The following ABCD4 variants were observed in gnomAD, a reference collection of about 807,000 sequenced individuals.
ABCD4 encodes the protein ATP binding cassette subfamily D member 4, also known as lysosomal cobalamin transporter ABCD4.
A neutral mutation model predicts 86.3 loss-of-function variants in ABCD4; 53 were observed. That is an observed-to-expected ratio of 0.61 (90% CI 0.49 to 0.77). The LOEUF (loss-of-function observed/expected upper bound fraction) is 0.77. ABCD4 is among the 30% of genes least tolerant of loss of function. ABCD4 has a pLI of 0.00. For missense variants in ABCD4, 757 were observed against 764.5 expected (o/e 0.99, Z 0.12); for synonymous variants, 328 against 313.6 (o/e 1.05, Z -0.49).
intron 11 of ABCD4, 37 bp downstream of exon 11, chr14:74,292,250 G>A (rs534208895): frequency 3.7e-6 from 6 of 1,603,936 alleles, no homozygotes; most frequent in South Asian, 3.3e-5. Flanking sequence ...GCCACAGCCT[G>A]CAGCCTCAAC....
In ABCD4 at chr14:74,290,497, G is replaced by C; in HGVS notation, c.1121C>G (p.Pro374Arg). 6.2e-7 allele frequency: 1 copy of C among 1,612,634 alleles called. No homozygotes were observed. The highest frequency in any genetic ancestry group is 2.2e-5 in the East Asian group (1 of 44,880). The change falls in exon 12 of 19, where the codon CCC becomes CGC. Residue 374 changes from proline (P) to arginine (R), a missense_variant and splice_region_variant. Coordinates refer to ENST00000356924, the MANE Select transcript of ABCD4 (RefSeq NM_005050.4). ...TGGCTCTGCCGCTGGCCACCCTGGG[G>C]GTCTGTGTCAGAGAAGAGAGGGGGC... Reference protein sequence around the residue: ...LGESEWGLDTPPGWPAAEPAD... With the variant: ...LGESEWGLDTRPGWPAAEPAD...
In ABCD4 at chr14:74,295,936, G is replaced by A; in HGVS notation, c.586C>T (p.Leu196=). 6.2e-7 allele frequency: 1 copy of A among 1,612,168 alleles called. No homozygotes were observed. Among genetic ancestry groups the A allele is most frequent in the South Asian group, 1.1e-5 (1 of 90,740 alleles). Residue 196 remains leucine (L), a synonymous_variant, in exon 6 of 19, where the codon CTG becomes TTG. Coordinates refer to ENST00000356924, the MANE Select transcript of ABCD4 (RefSeq NM_005050.4). ...AAAGTTTTGTTCACCACGGTCCCCA[G>A]GATGAAATACCCGAAGATGCTCACA... ...GPVSIFGYFI[L]GTVVNKTLMG...
At chr14:74,289,938 G>A in intron 13 of ABCD4, 89 bp downstream of exon 13, 1 of 1,596,372 alleles carries the variant, frequency 6.3e-7, no homozygotes, top group Non-Finnish European at 8.5e-7. Flanking sequence ...CCTGACTCTA[G>A]GACCTGAGAC....
At chr14:74,299,225 G>A (rs2083666247) in intron 3 of ABCD4, 1 of 242,160 alleles carries the variant, frequency 4.1e-6, no homozygotes, top group South Asian at 5.5e-5. Context: ...CAGCAGCTCT[G>A]GCTGCTGAGC....
At chr14:74,292,253 G>A (rs2081702591) in intron 11 of ABCD4, 34 bp downstream of exon 11, 1 of 1,606,922 alleles carries the variant, frequency 6.2e-7, no homozygotes, top group South Asian at 1.1e-5. Flanking sequence ...ACAGCCTGCA[G>A]CCTCAACTAC....
At chr14:74,302,495 G>A (rs942536372) in intron 1 of ABCD4, among the ~76,000 whole-genome samples, 69 of 152,338 alleles carry the variant, frequency 4.5e-4, no homozygotes, top group African/African-American at 1.7e-3. Flanking sequence ...CTGGGAATAG[G>A]AACGAAGAGA....
intron 7 of ABCD4, 54 bp from the exon 8 acceptor site, chr14:74,293,302 G>T: frequency 6.4e-7 from 1 of 1,556,450 alleles, no homozygotes. Flanking sequence ...AGCCAGGTTG[G>T]GGGGCCGCCT....
At chr14:74,291,751 C>G (rs1283806063) in intron 11 of ABCD4, among the ~76,000 whole-genome samples, 1 of 152,220 alleles carries the variant, frequency 6.6e-6, no homozygotes, top group African/African-American at 2.4e-5. Context: ...TGTCCAAGCA[C>G]TTTCCATGGA....
Position 74,295,859 on chromosome 14 carries a change from A to G in ABCD4, c.663T>C (p.Asp221=), listed in dbSNP as rs1307988025. The change falls in exon 6 of 19, where the codon GAT becomes GAC. Residue 221 remains aspartate, a synonymous_variant. Coordinates refer to ENST00000356924, the MANE Select transcript of ABCD4 (RefSeq NM_005050.4). ...CTCAAGTGAGGGAGACACACCTAAA[A>G]TCTCCCTCCAGCTTCTCCTGATGCA... is the stretch of plus-strand genomic sequence containing the variant. The part of the protein sequence containing the change: ...KLVHQEKLEG[D]FRFKHMQIRV... 1.2e-6 allele frequency: 2 copies of G among 1,613,090 alleles called. No homozygotes were observed. Among genetic ancestry groups the G allele is most frequent in the Non-Finnish European group, 1.7e-6 (2 of 1,179,788 alleles).
chr14:74,296,627 C>T, intron 4 of ABCD4, 178 bp from the exon 5 acceptor site: 1 of 595,902 alleles, frequency 1.7e-6, no homozygotes, highest in South Asian at 2.0e-5. Context: ...AATCCCAGGG[C>T]CTTTAAACAG....
At chr14:74,295,722 G>A (rs1470362695) in intron 6 of ABCD4, 132 bp downstream of exon 6, 5 of 1,251,308 alleles carry the variant, frequency 4.0e-6, no homozygotes, top group Admixed American at 2.3e-5. Flanking sequence ...GCTTGGAGAG[G>A]TTAAAGACCT....
rs1353710985 is a variant in ABCD4, at chr14:74,302,860, G to A, written c.38+15C>T. 8 of 1,604,394 alleles carry A rather than the reference G, an allele frequency of 5.0e-6. No homozygotes were observed. Among genetic ancestry groups the A allele is most frequent in the Non-Finnish European group, 6.8e-6 (8 of 1,175,900 alleles). On this transcript the variant is annotated intron_variant, in intron 1 of 18. Transcript: ENST00000356924. ...ACTCCTGCTCCCAAACCTCCTCCCC[G>A]ACCGCCCTGCTTACCTGGCGCCAGC... is the stretch of plus-strand genomic sequence containing the variant.
At chr14:74,294,767 G>A (rs536492375) in intron 7 of ABCD4, 6 of 197,692 alleles carry the variant, frequency 3.0e-5, no homozygotes, top group African/African-American at 9.3e-5. Flanking sequence ...TCCATCCCAC[G>A]CTACGGAGAC....
At chr14:74,302,764 G>A in intron 1 of ABCD4, 111 bp downstream of exon 1, 1 of 1,226,142 alleles carries the variant, frequency 8.2e-7, no homozygotes, top group South Asian at 1.8e-5. Context: ...GAAGTCACGG[G>A]GGCGAGACGG....
At chr14:74,295,057 C>T in intron 7 of ABCD4, 91 bp downstream of exon 7, 1 of 1,500,212 alleles carries the variant, frequency 6.7e-7, no homozygotes. Context: ...AGCCCCTGAG[C>T]TCGGTGGTGG....
chr14:74,298,214 T>C lies in ABCD4; in HGVS notation c.286-145A>G, dbSNP rs545565763. ...CCGTCCACTCAGCACTTTTCTTTTT[T>C]AAATCATCGAGTCATGGGACTTTCC... On this transcript the variant is annotated intron_variant, in intron 3 of 18. Coordinates refer to ENST00000356924, the MANE Select transcript of ABCD4 (RefSeq NM_005050.4). 8 of 1,424,162 alleles carry C rather than the reference T, an allele frequency of 5.6e-6. No homozygotes were observed. In the African/African-American group the frequency reaches 1.0e-4, roughly 18 times the overall value. The allele number at this position is 1,424,162 out of a possible 1,614,324, so 88.2% of individuals were successfully genotyped here. A position where few individuals can be genotyped will look rare whatever the true frequency, so the allele number is the denominator to read the frequency against.
chr14:74,288,899 G>A (rs1392318612), intron 14 of ABCD4, 134 bp from the exon 15 acceptor site: 2 of 1,168,258 alleles, frequency 1.7e-6, no homozygotes, highest in Non-Finnish European at 1.2e-6. Context: ...GGATCACAAG[G>A]TCAGGAGATG....
intron 12 of ABCD4, 27 bp from the exon 13 acceptor site, chr14:74,290,145 G>A (rs1209021854): frequency 1.9e-6 from 3 of 1,613,918 alleles, no homozygotes; most frequent in Admixed American, 3.3e-5. Context: ...AACCTCCATT[G>A]TGAGATCTCC....
chr14:74,299,750 C>A, intron 2 of ABCD4, 75 bp from the exon 3 acceptor site: 1 of 1,456,706 alleles, frequency 6.9e-7, no homozygotes, highest in Non-Finnish European at 9.4e-7. Context: ...TGAGTCCCTG[C>A]CTCATCAGCA....
Sources: gnomAD v4.1 joint callset for allele counts (sites outside exome capture counted in the v4.1 genomes callset) on GRCh38, gnomAD v4.1.1 for gene constraint, MANE v1.5 for transcripts, NCBI Gene and HGNC (gene_info 2026-07-23, HGNC 2026-07-21) for gene names.